The following CTIF variants were observed in gnomAD, a reference collection of about 807,000 sequenced individuals.
CTIF encodes the protein CBP80/20-dependent translation initiation factor.
A neutral mutation model predicts 66.0 loss-of-function variants in CTIF; 21 were observed. That is an observed-to-expected ratio of 0.32 (90% CI 0.23 to 0.46). CTIF has a LOEUF of 0.46. Among genes scored for constraint, CTIF ranks in the 20% least tolerant of loss-of-function variants. The pLI is 1.00. For synonymous variants in CTIF, 345 were observed against 326.4 expected (o/e 1.06, Z -0.62); for missense variants, 739 against 812.7 (o/e 0.91, Z 1.10).
chr18:48,785,059 G>GA (rs1381677921), intron 9 of CTIF, among the ~76,000 whole-genome samples: 3 of 152,098 alleles, frequency 2.0e-5, no homozygotes, highest in Non-Finnish European at 4.4e-5. Flanking sequence ...TTTGTTTCTG[G>GA]AAAAAACAGG....
rs114157870 is a variant in CTIF, at chr18:48,567,720, C to G, written c.-29+28408C>G. 4.0e-3 allele frequency: 616 copies of G among 152,268 alleles called. 9 individuals carry two copies. The highest frequency in any genetic ancestry group is 0.014 in the African/African-American group (579 of 41,542). The allele number at this position is 152,268 out of a possible 1,614,324, so 9.4% of individuals were successfully genotyped here. On this transcript the variant is annotated intron_variant, in intron 1 of 11. Coordinates refer to ENST00000256413, the MANE Select transcript of CTIF (RefSeq NM_014772.3). ...TAGTAACAGGGGAGCATGGCTTGTG[C>G]TCATGGGACAGAGTGACTGCTCTGT...
intron 7 of CTIF, among the ~76,000 whole-genome samples, chr18:48,737,188 GCA>G (rs1344998271): frequency 2.0e-5 from 3 of 152,164 alleles, no homozygotes; most frequent in Non-Finnish European, 4.4e-5. Flanking sequence ...GTCAGCTTCT[GCA>G]CAGTGTCCAT....
At chr18:48,836,404 G>C (rs2068810420) in intron 10 of CTIF, among the ~76,000 whole-genome samples, 1 of 152,110 alleles carries the variant, frequency 6.6e-6, no homozygotes, top group African/African-American at 2.4e-5. Context: ...GGAGGACAGT[G>C]GGGTCACCAC....
intron 9 of CTIF, among the ~76,000 whole-genome samples, chr18:48,813,742 C>G (rs927093949): frequency 2.0e-5 from 3 of 152,242 alleles, no homozygotes; most frequent in Non-Finnish European, 4.4e-5. Context: ...CAGATGCAAT[C>G]TATTTTTTAA....
intron 1 of CTIF, among the ~76,000 whole-genome samples, chr18:48,589,339 CA>C (rs1253800421): frequency 2.6e-5 from 4 of 152,176 alleles, no homozygotes; most frequent in African/African-American, 7.2e-5. Context: ...TTAGGGCTGG[CA>C]GATCCAGGGC....
At chr18:48,617,891 C>T (rs967514992) in intron 1 of CTIF, among the ~76,000 whole-genome samples, 3 of 152,154 alleles carry the variant, frequency 2.0e-5, no homozygotes, top group Admixed American at 6.5e-5. Context: ...CGAGGCCCTG[C>T]AGCACCTCAG....
intron 9 of CTIF, among the ~76,000 whole-genome samples, chr18:48,771,710 T>C (rs1005358968): frequency 2.0e-5 from 3 of 152,152 alleles, no homozygotes; most frequent in African/African-American, 4.8e-5. Flanking sequence ...GGGTCACCCC[T>C]GGCTGGCTGG....
chr18:48,784,972 C>T (rs1443421826), intron 9 of CTIF, among the ~76,000 whole-genome samples: 5 of 152,252 alleles, frequency 3.3e-5, no homozygotes, highest in South Asian at 2.1e-4. Context: ...GAAGCAAACC[C>T]GGGAGAGCCC....
At position 48,681,897 on chromosome 18, in the gene CTIF, T is replaced by C. The variant is rs143535933; in HGVS notation, c.507+11153T>C. 2.1e-3 allele frequency among the ~76,000 whole-genome samples: 314 copies of C among 152,324 alleles called. 3 individuals carry two copies. Among genetic ancestry groups the C allele is most frequent in the African/African-American group, 7.3e-3 (302 of 41,580 alleles). On this transcript the variant is annotated intron_variant, in intron 6 of 11. Transcript: ENST00000256413. ...GCCTCCCAGGTTCAAGCAATTCTCCTACCTCAGCCTCCCAAGTAGCTAGGA... is the reference window on the plus strand; with the variant it reads ...GCCTCCCAGGTTCAAGCAATTCTCCCACCTCAGCCTCCCAAGTAGCTAGGA...
chr18:48,678,316 T>C (rs1282652117), intron 6 of CTIF, among the ~76,000 whole-genome samples: 1 of 152,132 alleles, frequency 6.6e-6, no homozygotes, highest in East Asian at 1.9e-4. Flanking sequence ...TCAGACAGGT[T>C]TGTAGTGGCC....
rs974936845 is a variant in CTIF, at chr18:48,862,009, G to A, written c.*2450G>A. On this transcript the variant is annotated 3_prime_UTR_variant, in exon 12 of 12. Coordinates refer to ENST00000256413, the MANE Select transcript of CTIF (RefSeq NM_014772.3). ...CTTTAAGCTGTTTTTCTAAATGCAG[G>A]TTGCTGCTCCTTTTTCAGATATGGA... is the stretch of plus-strand genomic sequence containing the variant. 8 of 152,120 alleles carry A rather than the reference G, an allele frequency of 5.3e-5. No homozygotes were observed. The highest frequency in any genetic ancestry group is 1.7e-4 in the African/African-American group (7 of 41,410). The allele number at this position is 152,120 out of a possible 1,614,324, so 9.4% of individuals were successfully genotyped here.
chr18:48,665,206 G>A (rs751369618), intron 5 of CTIF, among the ~76,000 whole-genome samples: 105 of 152,306 alleles, frequency 6.9e-4, no homozygotes, highest in Admixed American at 2.3e-3. Context: ...GAGCCACCGC[G>A]CCCGGCCTGA....
intron 9 of CTIF, among the ~76,000 whole-genome samples, chr18:48,769,363 G>A (rs1034833139): frequency 2.0e-5 from 3 of 152,244 alleles, no homozygotes; most frequent in Non-Finnish European, 2.9e-5. Context: ...AGTGCAAGCC[G>A]CTTTCCCCGT....
chr18:48,666,267 C>T (rs553510668), intron 5 of CTIF, among the ~76,000 whole-genome samples: 1 of 152,306 alleles, frequency 6.6e-6, no homozygotes, highest in African/African-American at 2.4e-5. Context: ...TCCTACATCT[C>T]ACATGTCTTC....
intron 1 of CTIF, among the ~76,000 whole-genome samples, chr18:48,558,771 G>A (rs1476847446): frequency 6.6e-6 from 1 of 152,212 alleles, no homozygotes; most frequent in Non-Finnish European, 1.5e-5. Context: ...CACAGTGACA[G>A]TTGATATATT....
At chr18:48,809,131 A>C (rs1437151470) in intron 9 of CTIF, among the ~76,000 whole-genome samples, 1 of 152,160 alleles carries the variant, frequency 6.6e-6, no homozygotes, top group Non-Finnish European at 1.5e-5. Flanking sequence ...TAAGTATTTT[A>C]TTGCTTTATT....
intron 1 of CTIF, among the ~76,000 whole-genome samples, chr18:48,551,922 C>T (rs1434926669): frequency 5.3e-5 from 8 of 152,074 alleles, no homozygotes; most frequent in South Asian, 4.1e-4. Flanking sequence ...CTCAGCCTCC[C>T]GAGTAGCTGG....
chr18:48,721,365 A>C (rs1234397680), intron 7 of CTIF, among the ~76,000 whole-genome samples: 1 of 152,172 alleles, frequency 6.6e-6, no homozygotes, highest in East Asian at 1.9e-4. Flanking sequence ...CCAGCCACCC[A>C]AGCTGGTTTC....
chr18:48,687,305 GACACACACACAC>G (rs3082465), intron 6 of CTIF, among the ~76,000 whole-genome samples: 405 of 128,636 alleles, frequency 3.1e-3, no homozygotes, highest in African/African-American at 4.1e-3. Flanking sequence ...TCTAGGAGGG[GACACACACACAC>G]ACACACACAC....
Sources: gnomAD v4.1 joint callset for allele counts (sites outside exome capture counted in the v4.1 genomes callset) on GRCh38, gnomAD v4.1.1 for gene constraint, MANE v1.5 for transcripts, NCBI Gene and HGNC (gene_info 2026-07-23, HGNC 2026-07-21) for gene names.